The following RCAN2 variants were observed in gnomAD, a reference collection of about 807,000 sequenced individuals.
RCAN2 encodes the protein calcipressin-2.
RCAN2 carries 9 observed loss-of-function variants against 23.6 expected under a neutral mutation model. The ratio of observed to expected loss-of-function variants is 0.38; its 90% CI spans 0.23 to 0.67. RCAN2 has a LOEUF of 0.67. RCAN2 is among the 30% of genes least tolerant of loss of function. The pLI is 0.51. For synonymous variants in RCAN2, 109 were observed against 115.7 expected, an observed-to-expected ratio of 0.94 and a Z score of 0.37; for missense variants, 273 against 302.3, an observed-to-expected ratio of 0.90 and a Z score of 0.72.
intron 2 of RCAN2, among the ~76,000 whole-genome samples, chr6:46,386,626 A>AC (rs1162874993): frequency 3.3e-5 from 5 of 151,466 alleles, no homozygotes; most frequent in South Asian, 2.1e-4. Context: ...AAAAAAAAAA[A>AC]AAAACTAAAC....
intron 2 of RCAN2, among the ~76,000 whole-genome samples, chr6:46,400,128 C>T (rs1238431358): frequency 6.6e-6 from 1 of 152,208 alleles, no homozygotes; most frequent in Non-Finnish European, 1.5e-5. Flanking sequence ...CCTCAAAGTG[C>T]AATTCCCCAC....
intron 2 of RCAN2, among the ~76,000 whole-genome samples, chr6:46,385,592 C>T (rs1248000763): frequency 2.0e-5 from 3 of 152,110 alleles, no homozygotes; most frequent in African/African-American, 7.2e-5. Context: ...CACAGTGGCT[C>T]ATGCCTGTAA....
chr6:46,471,258 A>G (rs947198758), intron 1 of RCAN2, among the ~76,000 whole-genome samples: 2 of 152,214 alleles, frequency 1.3e-5, no homozygotes. Flanking sequence ...TATGTTTTAA[A>G]ATAATTTATC....
chr6:46,283,330 C>A lies in RCAN2; in HGVS notation c.226-34434G>T, dbSNP rs764455877. On this transcript the variant is annotated intron_variant, in intron 2 of 4. Coordinates refer to ENST00000371374, the MANE Select transcript of RCAN2 (RefSeq NM_001251974.2). ...TGGTGGTACACAGCTGTAGTCCCAG[C>A]TACTCAGGAGGCTGAGGTGGGAGAA... Among the ~76,000 whole-genome samples the A allele has an allele frequency of 2.3e-4, 35 of 152,100 alleles. 1 individual carries two copies. Among genetic ancestry groups the A allele is most frequent in the Admixed American group, 4.6e-4 (7 of 15,286 alleles).
intron 2 of RCAN2, among the ~76,000 whole-genome samples, chr6:46,334,222 A>G (rs1048028248): frequency 4.6e-5 from 7 of 152,186 alleles, no homozygotes; most frequent in African/African-American, 1.7e-4. Context: ...CTGACCACTA[A>G]TGGACACTGT....
chr6:46,425,282 T>G (rs1015034904), intron 2 of RCAN2, among the ~76,000 whole-genome samples: 1 of 152,244 alleles, frequency 6.6e-6, no homozygotes, highest in Non-Finnish European at 1.5e-5. Flanking sequence ...AGCACAGGAA[T>G]GCACAAAAGC....
intron 2 of RCAN2, among the ~76,000 whole-genome samples, chr6:46,310,775 G>A (rs1465560894): frequency 6.6e-6 from 1 of 152,172 alleles, no homozygotes; most frequent in Non-Finnish European, 1.5e-5. Context: ...AGAAAGACCT[G>A]ATGGATTTTT....
intron 2 of RCAN2, among the ~76,000 whole-genome samples, chr6:46,328,973 C>T (rs6906742): frequency 0.72 from 109,611 of 152,034 alleles, 39,998 homozygotes; most frequent in Non-Finnish European, 0.78. Flanking sequence ...AATATAGATA[C>T]ACTTTGGCCA....
intron 4 of RCAN2, among the ~76,000 whole-genome samples, chr6:46,245,169 A>G (rs574117425): frequency 1.4e-4 from 22 of 152,200 alleles, no homozygotes; most frequent in African/African-American, 2.4e-5. Flanking sequence ...TCATCAGCAC[A>G]TGTTAGTTAG....
chr6:46,377,810 G>T (rs1271397927), intron 2 of RCAN2, among the ~76,000 whole-genome samples: 4 of 152,160 alleles, frequency 2.6e-5, no homozygotes, highest in African/African-American at 4.8e-5. Flanking sequence ...ATGAAATTTG[G>T]AGTCAGAAAG....
intron 2 of RCAN2, among the ~76,000 whole-genome samples, chr6:46,383,439 C>T (rs1359804998): frequency 6.6e-6 from 1 of 151,998 alleles, no homozygotes; most frequent in African/African-American, 2.4e-5. Flanking sequence ...TGTGATACCA[C>T]TTTTCAAATC....
intron 2 of RCAN2, among the ~76,000 whole-genome samples, chr6:46,279,380 C>T (rs140771625): frequency 2.0e-5 from 3 of 152,284 alleles, no homozygotes; most frequent in Admixed American, 6.5e-5. Flanking sequence ...TTGCTTTAAC[C>T]TTGGCACTAT....
intron 2 of RCAN2, among the ~76,000 whole-genome samples, chr6:46,253,587 T>TA (rs887761919): frequency 1.6e-4 from 25 of 152,318 alleles, no homozygotes; most frequent in African/African-American, 5.8e-4. Context: ...GTTAAAGGGT[T>TA]AAAAAAATGA....
intron 2 of RCAN2, among the ~76,000 whole-genome samples, chr6:46,302,159 G>C (rs1205994453): frequency 6.6e-6 from 1 of 152,022 alleles, no homozygotes; most frequent in African/African-American, 2.4e-5. Context: ...CTGATGTGGA[G>C]AGTATGGGAA....
At chr6:46,239,792 T>C (rs2150313204) in intron 4 of RCAN2, among the ~76,000 whole-genome samples, 1 of 152,282 alleles carries the variant, frequency 6.6e-6, no homozygotes, top group African/African-American at 2.4e-5. Flanking sequence ...AACATTTGCT[T>C]ATCTTCTGGA....
upstream of RCAN2, among the ~76,000 whole-genome samples, chr6:46,491,702 T>G (rs951077832): frequency 1.5e-4 from 23 of 150,678 alleles, no homozygotes; most frequent in African/African-American, 5.3e-4. Flanking sequence ...CGCAGGAGCC[T>G]CCGGGCACCT....
At chr6:46,233,285 T>C (rs1765961922) in intron 4 of RCAN2, among the ~76,000 whole-genome samples, 1 of 152,236 alleles carries the variant, frequency 6.6e-6, no homozygotes, top group Admixed American at 6.5e-5. Context: ...CAATGCTGAA[T>C]GAAAGACACC....
chr6:46,289,985 G>A (rs1762493402), intron 2 of RCAN2, among the ~76,000 whole-genome samples: 1 of 152,120 alleles, frequency 6.6e-6, no homozygotes, highest in Non-Finnish European at 1.5e-5. Context: ...CCCAAGGTTG[G>A]GAAATAGAGA....
intron 2 of RCAN2, among the ~76,000 whole-genome samples, chr6:46,380,147 T>C (rs1172980598): frequency 6.6e-6 from 1 of 152,180 alleles, no homozygotes; most frequent in Non-Finnish European, 1.5e-5. Context: ...CTCAGGGTTT[T>C]TCAGATTCTG....
Sources: gnomAD v4.1 joint callset for allele counts (sites outside exome capture counted in the v4.1 genomes callset) on GRCh38, gnomAD v4.1.1 for gene constraint, MANE v1.5 for transcripts, NCBI Gene and HGNC (gene_info 2026-07-23, HGNC 2026-07-21) for gene names.